The following PAXIP1 variants were observed in gnomAD, a reference collection of about 807,000 sequenced individuals.
PAXIP1 encodes the protein PAX interacting protein 1.
A neutral mutation model predicts 140.6 loss-of-function variants in PAXIP1; 19 were observed. That is an observed-to-expected ratio of 0.14 (90% CI 0.09 to 0.20). PAXIP1 has a LOEUF of 0.20. Among genes scored for constraint, PAXIP1 ranks in the 10% least tolerant of loss-of-function variants. PAXIP1 has a pLI of 1.00. For synonymous variants in PAXIP1, 442 were observed against 444.6 expected, an observed-to-expected ratio of 0.99 and a Z score of 0.07; for missense variants, 920 against 1,208.6, an observed-to-expected ratio of 0.76 and a Z score of 3.54.
intron 4 of PAXIP1, among the ~76,000 whole-genome samples, chr7:154,988,316 C>T (rs1810166223): frequency 6.6e-6 from 1 of 152,186 alleles, no homozygotes; most frequent in South Asian, 2.1e-4. Context: ...TCTGTCAAGG[C>T]TTCCCTCGCC....
intron 3 of PAXIP1, among the ~76,000 whole-genome samples, chr7:154,992,357 G>T (rs1810375122): frequency 6.6e-6 from 1 of 152,180 alleles, no homozygotes; most frequent in African/African-American, 2.4e-5. Context: ...GACCATCCTT[G>T]CCAACATGGT....
chr7:154,995,595 A>G (rs1810549634), intron 2 of PAXIP1, among the ~76,000 whole-genome samples: 1 of 152,256 alleles, frequency 6.6e-6, no homozygotes, highest in Non-Finnish European at 1.5e-5. Flanking sequence ...CATGCCTGTA[A>G]TCTCAGCACT....
Position 154,968,720 on chromosome 7 carries a change from TGCTGCTGAAAGGGCTGGA to T in PAXIP1, c.1463_1480del (p.Leu488_Gln493del). On this transcript the variant is annotated inframe_deletion, in exon 7 of 21. Coordinates refer to ENST00000404141, the MANE Select transcript of PAXIP1 (RefSeq NM_007349.4). ...ATGGAACTGCTGCTGCAGGGCATGCTGCTGCTGAAAGGGCTGGAGCTGCTGCTGAGGGCGATGCAGCTG... is the reference window on the plus strand; with the variant it reads ...ATGGAACTGCTGCTGCAGGGCATGCTGCTGCTGCTGAGGGCGATGCAGCTG... 1.4e-6 allele frequency: 1 copy of T among 718,522 alleles called. No homozygotes were observed. Among genetic ancestry groups the T allele is most frequent in the Middle Eastern group, 2.3e-4 (1 of 4,364 alleles). 44.5% of individuals were successfully genotyped at this position (718,522 alleles called of 1,614,324 possible). A position where few individuals can be genotyped will look rare whatever the true frequency, so the allele number is the denominator to read the frequency against.
intron 4 of PAXIP1, among the ~76,000 whole-genome samples, chr7:154,987,129 C>A (rs924678875): frequency 2.6e-5 from 4 of 152,134 alleles, no homozygotes; most frequent in African/African-American, 9.7e-5. Context: ...TCCTCCTATC[C>A]CCACAGGGAC....
At chr7:154,964,162 T>C in intron 8 of PAXIP1, 1 of 164,242 alleles carries the variant, frequency 6.1e-6, no homozygotes, top group Admixed American at 5.8e-5. Context: ...CCGCGACTAC[T>C]AAAGATCTTC....
At chr7:154,994,912 CA>C (rs1810501802) in intron 2 of PAXIP1, among the ~76,000 whole-genome samples, 1 of 152,142 alleles carries the variant, frequency 6.6e-6, no homozygotes, top group Non-Finnish European at 1.5e-5. Flanking sequence ...CCTTATCCAA[CA>C]TATCTTCACA....
At chr7:154,957,594 T>G (rs1808574999) in intron 13 of PAXIP1, among the ~76,000 whole-genome samples, 1 of 152,218 alleles carries the variant, frequency 6.6e-6, no homozygotes, top group Non-Finnish European at 1.5e-5. Context: ...TCCTCCATGT[T>G]ATATATATGC....
chr7:154,988,271 C>T (rs147538500), intron 4 of PAXIP1, among the ~76,000 whole-genome samples: 364 of 152,256 alleles, frequency 2.4e-3, no homozygotes, highest in African/African-American at 8.2e-3. Flanking sequence ...CCAATTCTGT[C>T]CATTCTTTCA....
In PAXIP1 at chr7:154,956,203, T is replaced by G. The variant is rs1023184281; in HGVS notation, c.2550-572A>C. ...TAAACCTTTTTGTTTTTTACATGAA[T>G]TTTTTAGGTCTTTTTTTCAGGTTAT... On this transcript the variant is annotated intron_variant, in intron 14 of 20. Coordinates refer to ENST00000404141, the MANE Select transcript of PAXIP1 (RefSeq NM_007349.4). The surrounding 1 kb of genome is among the most constrained non-coding windows in gnomAD (Gnocchi z 4.2). Among the ~76,000 whole-genome samples the G allele has an allele frequency of 1.3e-5, 2 of 152,234 alleles. No individual in the cohort carries two copies. Among genetic ancestry groups the G allele is most frequent in the East Asian group, 3.8e-4 (2 of 5,202 alleles).
chr7:154,958,601 T>C (rs1007771670), intron 13 of PAXIP1, among the ~76,000 whole-genome samples: 1 of 152,204 alleles, frequency 6.6e-6, no homozygotes, highest in Non-Finnish European at 1.5e-5. Context: ...CTCAACTCTA[T>C]TTCCAAAGAT....
chr7:154,953,346 AAATCAGG>A (rs1563362599), intron 16 of PAXIP1, among the ~76,000 whole-genome samples: 4 of 152,240 alleles, frequency 2.6e-5, no homozygotes, highest in Admixed American at 1.3e-4. Flanking sequence ...TGGATGCTCT[AAATCAGG>A]GGCTGGTGAT....
chr7:154,944,047 G>T lies in PAXIP1; in HGVS notation c.*102C>A. The T allele has an allele frequency of 9.4e-7, 1 of 1,067,528 alleles. No individual in the cohort carries two copies. Among genetic ancestry groups the T allele is most frequent in the Non-Finnish European group, 1.4e-6 (1 of 696,252 alleles). The allele number at this position is 1,067,528 out of a possible 1,614,324, so 66.1% of individuals were successfully genotyped here. On this transcript the variant is annotated 3_prime_UTR_variant, in exon 21 of 21. Transcript: ENST00000404141. Reference sequence around the variant, plus strand: ...CACAGTCTGATCCCCCAGGAAAGCAGCTGGAAAACAAGAGCATGTGAAGGA... The same window carrying T: ...CACAGTCTGATCCCCCAGGAAAGCATCTGGAAAACAAGAGCATGTGAAGGA...
At chr7:154,953,903 T>C (rs1224711831) in intron 16 of PAXIP1, among the ~76,000 whole-genome samples, 1 of 152,164 alleles carries the variant, frequency 6.6e-6, no homozygotes, top group African/African-American at 2.4e-5. Context: ...GACATTTACA[T>C]ACACCTGCTC....
Position 154,954,161 on chromosome 7 carries a change from A to T in PAXIP1, c.2821+94T>A. 1.1e-6 allele frequency: 1 copy of T among 906,442 alleles called. No homozygotes were observed. The highest frequency in any genetic ancestry group is 1.6e-6 in the Non-Finnish European group (1 of 636,936). The allele number at this position is 906,442 out of a possible 1,614,324, so 56.1% of individuals were successfully genotyped here. ...AATGAATAACTATCACATAGTTTAA[A>T]AATTAAATATTTGTTGGGATGAAAA... On this transcript the variant is annotated intron_variant, in intron 16 of 20. Coordinates refer to ENST00000404141, the MANE Select transcript of PAXIP1 (RefSeq NM_007349.4). This position sits in a 1 kb window ranked among gnomAD's most constrained non-coding sequence, Gnocchi z 5.1.
At chr7:154,960,816 T>A (rs1808725389) in intron 12 of PAXIP1, 77 bp downstream of exon 12, 1 of 1,045,064 alleles carries the variant, frequency 9.6e-7, no homozygotes, top group Non-Finnish European at 1.3e-6. Context: ...TGGTAATTAG[T>A]ATGAATAAAA....
At chr7:154,995,587 T>A (rs61632801) in intron 2 of PAXIP1, among the ~76,000 whole-genome samples, 40 of 152,354 alleles carry the variant, frequency 2.6e-4, no homozygotes, top group Non-Finnish European at 5.0e-4. Context: ...CGATGGCTCA[T>A]GCCTGTAATC....
chr7:154,980,838 T>C (rs1320338965), intron 5 of PAXIP1, among the ~76,000 whole-genome samples: 1 of 152,220 alleles, frequency 6.6e-6, no homozygotes. Context: ...TTATGCCTTC[T>C]TAAAAATTAA....
At chr7:154,964,655 G>A (rs1038491025) in intron 8 of PAXIP1, 8 of 152,072 alleles carry the variant, frequency 5.3e-5, no homozygotes, top group African/African-American at 1.9e-4. Flanking sequence ...CTTTTCTCTA[G>A]TTTTACATAA....
At chr7:154,995,809 A>G (rs1294988428) in intron 2 of PAXIP1, among the ~76,000 whole-genome samples, 3 of 152,172 alleles carry the variant, frequency 2.0e-5, no homozygotes, top group Non-Finnish European at 4.4e-5. Context: ...AGATCACACC[A>G]TTGCACTCCA....
Sources: gnomAD v4.1 joint callset for allele counts (sites outside exome capture counted in the v4.1 genomes callset) on GRCh38, gnomAD v4.1.1 for gene constraint, Gnocchi (gnomAD v3.1) non-coding constraint, MANE v1.5 for transcripts, NCBI Gene and HGNC (gene_info 2026-07-23, HGNC 2026-07-21) for gene names.